Variants in ECE1 observed in about 807,000 individuals in gnomAD.
ECE1 encodes endothelin-converting enzyme 1.
A neutral mutation model predicts 98.6 loss-of-function variants in ECE1; 35 were observed. That is an observed-to-expected ratio of 0.35 (90% CI 0.27 to 0.47). ECE1 has a LOEUF of 0.47. Ranked by LOEUF, ECE1 falls within the 20% of genes least tolerant of loss-of-function variation. ECE1 has a pLI of 1.00. For synonymous variants in ECE1, 394 were observed against 407.1 expected (o/e 0.97, Z 0.39); for missense variants, 814 against 1,025.3 (o/e 0.79, Z 2.81).
At position 21,235,112 on chromosome 1, in the gene ECE1, T is replaced by C. The variant is rs1354449152; in HGVS notation, c.1566+738A>G. On this transcript the variant is annotated intron_variant, in intron 13 of 18. Transcript: ENST00000374893. The surrounding 1 kb of genome is among the most constrained non-coding windows in gnomAD (Gnocchi z 4.2). Reference sequence around the variant, plus strand: ...TTGCAGTGAGCTGAGATAGCACCACTACACTCCAGTCTGGGCAACAGAATG... The same window carrying C: ...TTGCAGTGAGCTGAGATAGCACCACCACACTCCAGTCTGGGCAACAGAATG... Among the ~76,000 whole-genome samples, 1 of 152,168 alleles carries C rather than the reference T, an allele frequency of 6.6e-6. No individual in the cohort carries two copies. Among genetic ancestry groups the C allele is most frequent in the Non-Finnish European group, 1.5e-5 (1 of 68,024 alleles).
At chr1:21,264,961 G>C (rs539023208) in intron 4 of ECE1, among the ~76,000 whole-genome samples, 1 of 152,110 alleles carries the variant, frequency 6.6e-6, no homozygotes, top group African/African-American at 2.4e-5. Context: ...CTTCCTGATC[G>C]CTGCAGCTAC....
At position 21,237,483 on chromosome 1, in the gene ECE1, C is replaced by T. The variant is rs181568584; in HGVS notation, c.1390-639G>A. On this transcript the variant is annotated intron_variant, in intron 11 of 18. Transcript: ENST00000374893. ...CAGTCACTGTAATGGATTTGAATTG[C>T]GGTTGGCTCACCTCCGGCTGCAGAT... 1.4e-4 allele frequency among the ~76,000 whole-genome samples: 21 copies of T among 152,288 alleles called. No homozygotes were observed. In the East Asian group the frequency reaches 4.1e-3, roughly 29 times the overall value.
chr1:21,235,514 G>A lies in ECE1; in HGVS notation c.1566+336C>T, dbSNP rs781288008. ...TGTCTGAGGGCCACCAATTCTCTCT[G>A]CACCTTCTGGGGTCTGTTTCCTCCA... On this transcript the variant is annotated intron_variant, in intron 13 of 18. Transcript: ENST00000374893. The surrounding 1 kb of genome is among the most constrained non-coding windows in gnomAD (Gnocchi z 4.2). Among the ~76,000 whole-genome samples the A allele has an allele frequency of 6.6e-6, 1 of 152,154 alleles. No individual in the cohort carries two copies. The highest frequency in any genetic ancestry group is 6.6e-5 in the Admixed American group (1 of 15,264).
intron 12 of ECE1, 61 bp downstream of exon 12, chr1:21,236,685 C>G (rs180719930): frequency 4.0e-6 from 6 of 1,509,962 alleles, no homozygotes; most frequent in South Asian, 1.1e-5. Context: ...CTCCTTCCCC[C>G]ACCCTCCTCT....
At chr1:21,331,864 C>T (rs538305009) in intron 1 of ECE1, among the ~76,000 whole-genome samples, 15 of 152,220 alleles carry the variant, frequency 9.9e-5, no homozygotes, top group Non-Finnish European at 1.5e-5. Context: ...TAAAACACCG[C>T]GGGCAGGAAA....
In ECE1 at chr1:21,272,759, G is replaced by GT; in HGVS notation, c.432dup (p.Arg145ThrfsTer60). ...CAGAGGTTGCTGAAGGTCCCCCAGC[G>GT]TGAGTGGCCATCAGGGACTGGGTTG... On this transcript the variant is annotated frameshift_variant, in exon 4 of 19. Transcript: ENST00000374893. LOFTEE classifies it high-confidence loss of function. 1 of 1,614,272 alleles carries GT rather than the reference G, an allele frequency of 6.2e-7. No individual in the cohort carries two copies.
Position 21,279,375 on chromosome 1 carries a change from C to T in ECE1, c.139-43G>A, listed in dbSNP as rs201248724. On this transcript the variant is annotated intron_variant, in intron 2 of 18. Coordinates refer to ENST00000374893, the MANE Select transcript of ECE1 (RefSeq NM_001397.3). ...GGAGGGGCGGGGAAGACGTGAGCCC[C>T]GGGCCCCGCTTCCCTTGGAGGAAGG... is the stretch of plus-strand genomic sequence containing the variant. 1.8e-4 allele frequency: 284 copies of T among 1,613,674 alleles called. 1 individual carries two copies. In the African/African-American group the frequency reaches 2.9e-3, roughly 17 times the overall value.
At chr1:21,264,007 G>A (rs1345457155) in intron 4 of ECE1, among the ~76,000 whole-genome samples, 2 of 152,220 alleles carry the variant, frequency 1.3e-5, no homozygotes, top group Non-Finnish European at 2.9e-5. Context: ...CGCTTGGCCA[G>A]GATGGCGGCA....
At chr1:21,287,931 A>C (rs2098262417) in intron 2 of ECE1, among the ~76,000 whole-genome samples, 1 of 151,662 alleles carries the variant, frequency 6.6e-6, no homozygotes, top group Non-Finnish European at 1.5e-5. Context: ...TTTCTCCCCC[A>C]AGTGAGCATA....
At chr1:21,241,566 G>A (rs1307514370) in intron 10 of ECE1, among the ~76,000 whole-genome samples, 1 of 152,092 alleles carries the variant, frequency 6.6e-6, no homozygotes, top group Non-Finnish European at 1.5e-5. Context: ...GGGATTACAG[G>A]TGTGTGTCAC....
intron 8 of ECE1, 61 bp downstream of exon 8, chr1:21,255,886 A>T (rs1261488658): frequency 2.1e-5 from 33 of 1,562,066 alleles, no homozygotes; most frequent in Non-Finnish European, 2.6e-5. Flanking sequence ...CCCCCAGTCC[A>T]GGGCCCTGTC....
At chr1:21,312,118 G>A (rs1638738106) in intron 1 of ECE1, among the ~76,000 whole-genome samples, 1 of 111,728 alleles carries the variant, frequency 9.0e-6, no homozygotes, top group African/African-American at 4.1e-5. Context: ...GTGAGATTCT[G>A]TCTCAAAAAA....
chr1:21,263,357 A>ATTTTT (rs199626661), intron 4 of ECE1, among the ~76,000 whole-genome samples: 1 of 113,140 alleles, frequency 8.8e-6, no homozygotes, highest in South Asian at 3.2e-4. Flanking sequence ...CTTTTTTTAT[A>ATTTTT]TTTATTTTTT....
Position 21,258,880 on chromosome 1 carries a change from G to C in ECE1, c.616-41C>G, listed in dbSNP as rs367725291. On this transcript the variant is annotated intron_variant, in intron 5 of 18. Transcript: ENST00000374893. This position sits in a 1 kb window ranked among gnomAD's most constrained non-coding sequence, Gnocchi z 4.2. ...GCAGGCAGGGAGGTGATGAGGTGGC[G>C]GGGAGACCCAGATGTGAATTCTGGT... is the stretch of plus-strand genomic sequence containing the variant. The C allele has an allele frequency of 7.4e-6, 12 of 1,611,992 alleles. No individual in the cohort carries two copies. The highest frequency in any genetic ancestry group is 9.3e-6 in the Non-Finnish European group (11 of 1,179,156).
Position 21,279,251 on chromosome 1 carries a change from C to A in ECE1, c.220G>T (p.Val74Leu). 1 of 1,614,228 alleles carries A rather than the reference C, an allele frequency of 6.2e-7. No individual in the cohort carries two copies. Among genetic ancestry groups the A allele is most frequent in the Non-Finnish European group, 8.5e-7 (1 of 1,180,044 alleles). Residue 74 changes from valine (V) to leucine (L), a missense_variant, in exon 3 of 19, where the codon GTA becomes TTA. Physicochemically the swap from Val to Leu is conservative, Grantham distance 32 (BLOSUM62 1). Around this residue, in one of 3 missense-constraint regions of ECE1, gnomAD observed 257 missense variants for 278.9 expected, o/e 0.92. Transcript: ENST00000374893. ...GCCACCAGTCCTGCCGCCAGAAGTA[C>A]CACCAACACCACCAGCCGCTTCTCC... The part of the protein sequence containing the change: ...QVEKRLVVLV[V>L]LLAAGLVACL...
At chr1:21,265,831 C>G (rs1043574755) in intron 4 of ECE1, among the ~76,000 whole-genome samples, 1 of 152,188 alleles carries the variant, frequency 6.6e-6, no homozygotes, top group Non-Finnish European at 1.5e-5. Flanking sequence ...CAACACCCAA[C>G]AGTGTGGCTC....
chr1:21,295,102 G>A (rs1031585000), upstream of ECE1, among the ~76,000 whole-genome samples: 9 of 152,218 alleles, frequency 5.9e-5, no homozygotes, highest in African/African-American at 1.7e-4. Flanking sequence ...CTGTGACCCT[G>A]AGCAAGTGAC....
At chr1:21,221,236 C>A (rs1206697145) in intron 18 of ECE1, among the ~76,000 whole-genome samples, 1 of 152,150 alleles carries the variant, frequency 6.6e-6, no homozygotes, top group African/African-American at 2.4e-5. Flanking sequence ...GTGGCGTGAT[C>A]TTGGTTCACT....
At chr1:21,280,330 C>T (rs1354969257) in intron 2 of ECE1, among the ~76,000 whole-genome samples, 1 of 152,140 alleles carries the variant, frequency 6.6e-6, no homozygotes, top group Non-Finnish European at 1.5e-5. Flanking sequence ...CAGGGCCATG[C>T]TGGAAATACA....
Sources: allele counts gnomAD v4.1 joint callset (sites outside exome capture counted in the v4.1 genomes callset), GRCh38; gene constraint gnomAD v4.1.1; regional missense constraint gnomAD v4.1.1; non-coding constraint Gnocchi (gnomAD v3.1); transcripts MANE v1.5; gene names NCBI Gene and HGNC (gene_info 2026-07-23, HGNC 2026-07-21).